DNAI4: variants seen among roughly 807,000 people sequenced by gnomAD.
The protein encoded by DNAI4 is WD repeat domain 78.
Under a neutral mutation model 105.8 loss-of-function variants are expected in DNAI4, and 85 were observed. That is an observed-to-expected ratio of 0.80 (90% CI 0.67 to 0.96). The LOEUF (loss-of-function observed/expected upper bound fraction) is 0.96, where lower values mean the gene tolerates loss of function less well. DNAI4 is among the 40% of genes least tolerant of loss of function. The pLI, the probability that DNAI4 is intolerant of heterozygous loss-of-function variation, is 0.00. For synonymous variants in DNAI4, 352 were observed against 331.5 expected (o/e 1.06, Z -0.67); for missense variants, 1,014 against 1,005.6 (o/e 1.01, Z -0.11).
intron 1 of DNAI4, among the ~76,000 whole-genome samples, chr1:66,922,852 G>C (rs1283862841): frequency 6.6e-6 from 1 of 152,178 alleles, no homozygotes; most frequent in Non-Finnish European, 1.5e-5. Flanking sequence ...TATAAGTGCA[G>C]GTGTTTTTTC....
intron 6 of DNAI4, among the ~76,000 whole-genome samples, chr1:66,864,378 G>T (rs937896272): frequency 6.6e-6 from 1 of 152,050 alleles, no homozygotes; most frequent in Non-Finnish European, 1.5e-5. Flanking sequence ...TATCAGAAAA[G>T]AAGCATTCCA....
At chr1:66,864,086 C>A (rs1483062344) in intron 6 of DNAI4, among the ~76,000 whole-genome samples, 2 of 152,154 alleles carry the variant, frequency 1.3e-5, no homozygotes, top group East Asian at 3.8e-4. Flanking sequence ...TAAAAGTTGA[C>A]TCTTATTTGT....
At chr1:66,833,363 T>C (rs1645908868) in intron 13 of DNAI4, among the ~76,000 whole-genome samples, 1 of 152,108 alleles carries the variant, frequency 6.6e-6, no homozygotes, top group South Asian at 2.1e-4. Context: ...CCCAAAAAAC[T>C]CTATTATCAT....
At chr1:66,883,130 C>T (rs1197859833) in intron 4 of DNAI4, among the ~76,000 whole-genome samples, 5 of 149,258 alleles carry the variant, frequency 3.3e-5, no homozygotes, top group Non-Finnish European at 1.5e-5. Flanking sequence ...GACCTTGTAT[C>T]CTGCAGTGTT....
At position 66,890,973 on chromosome 1, in the gene DNAI4, AAC is replaced by A. The variant is rs927445347; in HGVS notation, c.643+179_643+180del. 11 of 604,480 alleles carry A rather than the reference AAC, an allele frequency of 1.8e-5. No individual in the cohort carries two copies. In the African/African-American group the frequency reaches 2.0e-4, roughly 11 times the overall value. 37.4% of individuals were successfully genotyped at this position (604,480 alleles called of 1,614,324 possible). A position where few individuals can be genotyped will look rare whatever the true frequency, so the allele number is the denominator to read the frequency against. ...TTGGTTCCTCAGGCTGATGATTCAA[AAC>A]AGTCACCCAGGGAACTTAAAAAAAT... is the stretch of plus-strand genomic sequence containing the variant. On this transcript the variant is annotated intron_variant, in intron 4 of 16. Transcript: ENST00000371026. The surrounding 1 kb of genome is among the most constrained non-coding windows in gnomAD (Gnocchi z 4.1).
chr1:66,839,977 C>T (rs1278877802), intron 9 of DNAI4, among the ~76,000 whole-genome samples: 1 of 152,140 alleles, frequency 6.6e-6, no homozygotes, highest in African/African-American at 2.4e-5. Context: ...CTGCTATATA[C>T]TAAGTGCTGT....
intron 16 of DNAI4, among the ~76,000 whole-genome samples, chr1:66,819,670 A>T (rs1363712844): frequency 1.3e-5 from 2 of 151,588 alleles, no homozygotes; most frequent in Non-Finnish European, 1.5e-5. Context: ...GACAGGTTTT[A>T]TATATATATA....
intron 16 of DNAI4, among the ~76,000 whole-genome samples, chr1:66,816,716 C>A (rs1425344847): frequency 1.5e-5 from 2 of 130,462 alleles, no homozygotes; most frequent in South Asian, 2.6e-4. Flanking sequence ...TTATTCTTAC[C>A]AGCCTTGAAA....
rs112231610 is a variant in DNAI4, at chr1:66,884,829, C to T, written c.643+6325G>A. On this transcript the variant is annotated intron_variant, in intron 4 of 16. Coordinates refer to ENST00000371026, the MANE Select transcript of DNAI4 (RefSeq NM_024763.5). ...GTAATTGCTTAGCCAAGGAATACAT[C>T]CTGTGACCAAATTAACCAGAAGCCA... Among the ~76,000 whole-genome samples, 509 of 152,290 alleles carry T rather than the reference C, an allele frequency of 3.3e-3. 5 individuals are homozygous for T. The highest frequency in any genetic ancestry group is 0.012 in the South Asian group (57 of 4,828).
chr1:66,914,270 C>T (rs1045018813), intron 1 of DNAI4, among the ~76,000 whole-genome samples: 2 of 152,186 alleles, frequency 1.3e-5, no homozygotes, highest in East Asian at 3.8e-4. Context: ...TGCACATTTA[C>T]AAGGTCAACC....
chr1:66,839,583 T>C (rs1197158951), intron 9 of DNAI4, among the ~76,000 whole-genome samples: 1 of 152,208 alleles, frequency 6.6e-6, no homozygotes, highest in Non-Finnish European at 1.5e-5. Flanking sequence ...TATAAATATT[T>C]ATATCAAAGA....
intron 16 of DNAI4, among the ~76,000 whole-genome samples, chr1:66,821,681 C>T (rs1045650872): frequency 6.6e-6 from 1 of 151,680 alleles, no homozygotes; most frequent in African/African-American, 2.4e-5. Flanking sequence ...GACCATTGCC[C>T]ATTTTTTTAT....
At chr1:66,923,596 C>A (rs185573751) in intron 1 of DNAI4, among the ~76,000 whole-genome samples, 2 of 152,308 alleles carry the variant, frequency 1.3e-5, no homozygotes, top group African/African-American at 4.8e-5. Flanking sequence ...AAGAATGAAA[C>A]TGTGGATCAG....
chr1:66,910,642 CTAAAA>C (rs1004401967), intron 1 of DNAI4, among the ~76,000 whole-genome samples: 90 of 152,366 alleles, frequency 5.9e-4, no homozygotes, highest in African/African-American at 2.0e-3. Flanking sequence ...GCTTCCCTTT[CTAAAA>C]TGTCAAAATT....
At chr1:66,878,191 T>C (rs552150048) in intron 4 of DNAI4, among the ~76,000 whole-genome samples, 1 of 152,334 alleles carries the variant, frequency 6.6e-6, no homozygotes, top group African/African-American at 2.4e-5. Context: ...TTTGTGTTAC[T>C]ATGAACTCAT....
At chr1:66,835,192 A>G (rs1222049338) in intron 11 of DNAI4, among the ~76,000 whole-genome samples, 1 of 123,752 alleles carries the variant, frequency 8.1e-6, no homozygotes, top group Non-Finnish European at 1.8e-5. Context: ...CCCTCCTTAG[A>G]CAGATAGATA....
intron 10 of DNAI4, among the ~76,000 whole-genome samples, chr1:66,836,270 A>AGAGAG (rs1646012798): frequency 4.6e-4 from 32 of 69,746 alleles, no homozygotes; most frequent in Non-Finnish European, 7.2e-4. Flanking sequence ...GAAAGAAAGA[A>AGAGAG]AGAAAGAAAG....
chr1:66,914,913 T>C (rs1452247096), intron 1 of DNAI4, among the ~76,000 whole-genome samples: 1 of 152,236 alleles, frequency 6.6e-6, no homozygotes, highest in East Asian at 1.9e-4. Context: ...TTCGAGTTTA[T>C]GTAACTTAAG....
At chr1:66,922,870 C>T (rs1419627777) in intron 1 of DNAI4, among the ~76,000 whole-genome samples, 2 of 152,124 alleles carry the variant, frequency 1.3e-5, no homozygotes, top group African/African-American at 4.8e-5. Flanking sequence ...TTCTTAAAAT[C>T]TGTTTTCTTG....
Sources: allele counts gnomAD v4.1 joint callset (sites outside exome capture counted in the v4.1 genomes callset), GRCh38; gene constraint gnomAD v4.1.1; non-coding constraint Gnocchi (gnomAD v3.1); transcripts MANE v1.5; gene names NCBI Gene and HGNC (gene_info 2026-07-23, HGNC 2026-07-21).